SWT1: variants seen among roughly 807,000 people sequenced by gnomAD.
SWT1 encodes transcriptional protein SWT1.
SWT1 carries 33 observed loss-of-function variants against 107.3 expected under a neutral mutation model. The observed-to-expected ratio is 0.31, with a 90% confidence interval of 0.23 to 0.41. The LOEUF is 0.41. Ranked by LOEUF, SWT1 falls within the 10% of genes least tolerant of loss-of-function variation. The pLI is 1.00. For missense variants in SWT1, 898 were observed against 1,028.9 expected (o/e 0.87, Z 1.74); for synonymous variants, 345 against 348.3 (o/e 0.99, Z 0.11).
At chr1:185,250,789 A>G (rs1234701800) in intron 16 of SWT1, among the ~76,000 whole-genome samples, 1 of 152,076 alleles carries the variant, frequency 6.6e-6, no homozygotes, top group Non-Finnish European at 1.5e-5. Context: ...CAGCCTCCCA[A>G]GTAGCTGGGA....
At chr1:185,190,879 A>G (rs1217189935) in intron 10 of SWT1, among the ~76,000 whole-genome samples, 2 of 152,192 alleles carry the variant, frequency 1.3e-5, no homozygotes, top group African/African-American at 4.8e-5. Context: ...AAAACTTGAA[A>G]AAGCAGGGGA....
intron 9 of SWT1, 35 bp from the exon 10 acceptor site, chr1:185,190,514 G>A: frequency 8.5e-7 from 1 of 1,178,972 alleles, no homozygotes. Flanking sequence ...CATTTCTAGT[G>A]TACTTACTGA....
chr1:185,204,057 T>C (rs1006076694), intron 11 of SWT1, among the ~76,000 whole-genome samples: 1 of 152,196 alleles, frequency 6.6e-6, no homozygotes, highest in African/African-American at 2.4e-5. Context: ...TGAAGTGATA[T>C]CACTTAAAAT....
chr1:185,235,962 A>T (rs1287827189), intron 16 of SWT1, among the ~76,000 whole-genome samples: 2 of 152,208 alleles, frequency 1.3e-5, no homozygotes, highest in African/African-American at 4.8e-5. Flanking sequence ...CAAAGACAAT[A>T]AAATACCTAG....
intron 15 of SWT1, among the ~76,000 whole-genome samples, chr1:185,230,592 T>C (rs1374497783): frequency 6.6e-6 from 1 of 152,166 alleles, no homozygotes; most frequent in East Asian, 1.9e-4. Flanking sequence ...ATATGAATTA[T>C]GGGGGGACAC....
intron 9 of SWT1, among the ~76,000 whole-genome samples, chr1:185,185,569 T>C (rs1217673441): frequency 6.6e-6 from 1 of 152,180 alleles, no homozygotes; most frequent in East Asian, 1.9e-4. Context: ...CTTTCAGAAT[T>C]TGTTTCTTCC....
intron 16 of SWT1, among the ~76,000 whole-genome samples, chr1:185,270,788 A>G (rs1358570037): frequency 2.0e-5 from 3 of 152,184 alleles, no homozygotes; most frequent in Non-Finnish European, 4.4e-5. Context: ...TATTTTCACA[A>G]TTTATGTAAT....
intron 3 of SWT1, among the ~76,000 whole-genome samples, chr1:185,168,058 C>T (rs1654733382): frequency 6.6e-6 from 1 of 152,090 alleles, no homozygotes; most frequent in Non-Finnish European, 1.5e-5. Flanking sequence ...GGCCCAGTTT[C>T]CTCAGAGTAC....
At chr1:185,189,055 T>G (rs1656725856) in intron 9 of SWT1, among the ~76,000 whole-genome samples, 1 of 152,150 alleles carries the variant, frequency 6.6e-6, no homozygotes, top group Non-Finnish European at 1.5e-5. Context: ...CATAGCTCAC[T>G]GTAGGCTTGA....
chr1:185,174,350 A>G (rs1164104724), intron 4 of SWT1, 22 bp from the exon 5 acceptor site: 2 of 1,508,006 alleles, frequency 1.3e-6, no homozygotes, highest in South Asian at 1.4e-5. Context: ...AATGTAACCT[A>G]GGTTTCTGTG....
At chr1:185,248,572 T>G (rs901161731) in intron 16 of SWT1, among the ~76,000 whole-genome samples, 1 of 152,122 alleles carries the variant, frequency 6.6e-6, no homozygotes, top group Non-Finnish European at 1.5e-5. Context: ...ATTTCTACAC[T>G]CCCCCTCTGG....
At chr1:185,160,225 C>T (rs1217745661) in intron 1 of SWT1, among the ~76,000 whole-genome samples, 1 of 152,076 alleles carries the variant, frequency 6.6e-6, no homozygotes, top group Non-Finnish European at 1.5e-5. Context: ...TATAGCAGTC[C>T]TGGAGGCAGT....
Position 185,168,366 on chromosome 1 carries a change from C to G in SWT1, c.192C>G (p.Tyr64Ter). The change falls in exon 4 of 19, where the codon TAC (tyrosine) becomes TAG (stop). Residue 64 changes from tyrosine (Y) to a stop codon, truncating the protein, a stop_gained. Coordinates refer to ENST00000367500, the MANE Select transcript of SWT1 (RefSeq NM_017673.7). LOFTEE classifies it high-confidence loss of function. Reference sequence around the variant, plus strand: ...AATCAGATCATACAGATGTTCTGTACTATAATATAAAAAGAAGACAAGGAC... The same window carrying G: ...AATCAGATCATACAGATGTTCTGTAGTATAATATAAAAAGAAGACAAGGAC... ...KLKSDHTDVL[Y>*]YNIKRRQGLK... 1 of 1,376,382 alleles carries G rather than the reference C, an allele frequency of 7.3e-7. No homozygotes were observed. Among genetic ancestry groups the G allele is most frequent in the Non-Finnish European group, 9.7e-7 (1 of 1,027,354 alleles). 85.3% of individuals were successfully genotyped at this position (1,376,382 alleles called of 1,614,324 possible). A position where few individuals can be genotyped will look rare whatever the true frequency, so the allele number is the denominator to read the frequency against.
At chr1:185,260,164 C>T (rs190913198) in intron 16 of SWT1, among the ~76,000 whole-genome samples, 31 of 152,214 alleles carry the variant, frequency 2.0e-4, no homozygotes, top group Non-Finnish European at 3.4e-4. Context: ...GGAAATCATC[C>T]TTAAGCCCAA....
At chr1:185,160,699 C>A in intron 1 of SWT1, 134 bp from the exon 2 acceptor site, 1 of 638,170 alleles carries the variant, frequency 1.6e-6, no homozygotes, top group Non-Finnish European at 2.5e-6. Flanking sequence ...GAGACTCCAT[C>A]TCAAAAAAAA....
chr1:185,195,234 T>C (rs565041504), intron 10 of SWT1, among the ~76,000 whole-genome samples: 3 of 152,222 alleles, frequency 2.0e-5, no homozygotes, highest in Non-Finnish European at 2.9e-5. Context: ...CACTTAAGAG[T>C]GAGGACATGC....
chr1:185,247,121 T>A (rs1486398613), intron 16 of SWT1, among the ~76,000 whole-genome samples: 2 of 152,214 alleles, frequency 1.3e-5, no homozygotes, highest in Non-Finnish European at 2.9e-5. Context: ...TGATGAAGGT[T>A]AATTCAATAA....
rs61826150 is a variant in SWT1 at position 185,167,172 on chromosome 1, G to A, written c.165+520G>A. 4.5e-3 allele frequency among the ~76,000 whole-genome samples: 691 copies of A among 152,146 alleles called. 3 individuals are homozygous for A. The highest frequency in any genetic ancestry group is 0.01 in the Middle Eastern group (3 of 294). On this transcript the variant is annotated intron_variant, in intron 3 of 18. Transcript: ENST00000367500. ...ATCTGCCCGCCTCAGCCTCCCAGAG[G>A]TTATATTTGTCTCCTTTTGAGGTAG...
At chr1:185,203,490 G>A (rs1658055088) in intron 11 of SWT1, among the ~76,000 whole-genome samples, 1 of 151,688 alleles carries the variant, frequency 6.6e-6, no homozygotes. Flanking sequence ...GCGTGGTGGC[G>A]GGCGCCTGTA....
Sources: gnomAD v4.1 joint callset for allele counts (sites outside exome capture counted in the v4.1 genomes callset) on GRCh38, gnomAD v4.1.1 for gene constraint, MANE v1.5 for transcripts, NCBI Gene and HGNC (gene_info 2026-07-23, HGNC 2026-07-21) for gene names.